NDST3: variants seen among roughly 807,000 people sequenced by gnomAD.
The protein encoded by NDST3 is bifunctional heparan sulfate N-deacetylase/N-sulfotransferase 3.
In NDST3, 58 loss-of-function variants were observed where a neutral mutation model predicts 96.1. That is an observed-to-expected ratio of 0.60 (90% CI 0.49 to 0.75). The LOEUF (loss-of-function observed/expected upper bound fraction) is 0.75. Ranked by LOEUF, NDST3 falls within the 30% of genes least tolerant of loss-of-function variation. NDST3 has a pLI of 0.00. For missense variants in NDST3, 788 were observed against 1,034.2 expected (o/e 0.76, Z 3.27); for synonymous variants, 333 against 359.7 (o/e 0.93, Z 0.84).
At chr4:118,234,707 G>A (rs662086) in intron 9 of NDST3, among the ~76,000 whole-genome samples, 126,092 of 151,732 alleles carry the variant, frequency 0.83, 54,097 homozygotes, top group South Asian at 0.95. Flanking sequence ...ATATATTTTG[G>A]TCATCATGTG....
intron 6 of NDST3, among the ~76,000 whole-genome samples, chr4:118,179,539 A>T (rs1036538585): frequency 2.1e-4 from 32 of 152,020 alleles, no homozygotes; most frequent in African/African-American, 7.7e-4. Flanking sequence ...ACTCCCAATT[A>T]AACTTTTTTA....
In NDST3 at chr4:118,253,394, T is replaced by A. The variant is rs2126016062; in HGVS notation, c.2400-105T>A. On this transcript the variant is annotated intron_variant, in intron 12 of 13. Coordinates refer to ENST00000296499, the MANE Select transcript of NDST3 (RefSeq NM_004784.3). ...GTTATAGATTGTTATCCAAATAAAA[T>A]ATTTATGTATTGGTCACTATATCAT... 3 of 609,046 alleles carry A rather than the reference T, an allele frequency of 4.9e-6. No homozygotes were observed. In the South Asian group the frequency reaches 7.9e-5, roughly 16 times the overall value. 37.7% of individuals were successfully genotyped at this position (609,046 alleles called of 1,614,324 possible). A position where few individuals can be genotyped will look rare whatever the true frequency, so the allele number is the denominator to read the frequency against.
intron 4 of NDST3, among the ~76,000 whole-genome samples, chr4:118,126,966 A>G (rs945773834): frequency 2.6e-5 from 4 of 151,950 alleles, no homozygotes; most frequent in Non-Finnish European, 5.9e-5. Flanking sequence ...ACCTTTTCAT[A>G]TGCCTGTTTG....
chr4:118,225,995 T>G (rs535975968), intron 7 of NDST3, among the ~76,000 whole-genome samples: 17 of 146,960 alleles, frequency 1.2e-4, no homozygotes, highest in East Asian at 3.9e-4. Context: ...TGTTTTTTTG[T>G]TTTTTTTTTC....
chr4:118,089,632 C>T (rs9991087), intron 2 of NDST3, among the ~76,000 whole-genome samples: 157 of 152,048 alleles, frequency 1.0e-3, no homozygotes, highest in African/African-American at 3.6e-3. Context: ...ATTTCAAAGA[C>T]TAAAACATTG....
At chr4:118,204,636 A>C (rs1202242543) in intron 6 of NDST3, among the ~76,000 whole-genome samples, 1 of 144,624 alleles carries the variant, frequency 6.9e-6, no homozygotes. Context: ...TGTACAGAGA[A>C]ATCTTTATGC....
At chr4:118,077,713 G>A (rs1401126617) in intron 2 of NDST3, among the ~76,000 whole-genome samples, 7 of 152,316 alleles carry the variant, frequency 4.6e-5, no homozygotes, top group Admixed American at 1.3e-4. Flanking sequence ...AAGAGTGAGG[G>A]CTCCTTCCTG....
chr4:118,208,163 C>T (rs987670806), intron 6 of NDST3, among the ~76,000 whole-genome samples: 1 of 143,840 alleles, frequency 7.0e-6, no homozygotes, highest in African/African-American at 2.6e-5. Flanking sequence ...AAAAATAATA[C>T]ACCAAATGTG....
At chr4:118,148,284 C>T (rs928173752) in intron 6 of NDST3, among the ~76,000 whole-genome samples, 1 of 152,044 alleles carries the variant, frequency 6.6e-6, no homozygotes, top group Non-Finnish European at 1.5e-5. Context: ...GGCGACAGAG[C>T]GAGACTCTGT....
chr4:118,094,943 T>C (rs962158485), intron 2 of NDST3, among the ~76,000 whole-genome samples: 2 of 151,870 alleles, frequency 1.3e-5, no homozygotes, highest in African/African-American at 2.4e-5. Context: ...AAAAAATATA[T>C]AAGCATGTGA....
rs1383213940 is a variant in NDST3, at chr4:118,083,973, G to A, written c.982-21045G>A. ...CTACTCTGTAGACTCCATTGCCAAT[G>A]AGAACAATAGGTTCACAGTGGAAAG... On this transcript the variant is annotated intron_variant, in intron 2 of 13. Transcript: ENST00000296499. 4.4e-4 allele frequency among the ~76,000 whole-genome samples: 67 copies of A among 152,156 alleles called. 1 individual carries two copies.
At chr4:118,240,454 AC>A (rs1158415739) in intron 10 of NDST3, 69 bp from the exon 11 acceptor site, 1 of 1,303,138 alleles carries the variant, frequency 7.7e-7, no homozygotes, top group Admixed American at 2.5e-5. Context: ...GAGACTTGTC[AC>A]AAAGATTGAT....
At position 118,114,847 on chromosome 4, in the gene NDST3, T is replaced by C; in HGVS notation, c.1111T>C (p.Ser371Pro). 1 of 1,613,936 alleles carries C rather than the reference T, an allele frequency of 6.2e-7. No homozygotes were observed. Among genetic ancestry groups the C allele is most frequent in the East Asian group, 2.2e-5 (1 of 44,866 alleles). Residue 371 changes from serine (S) to proline (P), a missense_variant, in exon 4 of 14, where the codon TCT becomes CCT. Ser to Pro is a moderately conservative substitution (Grantham distance 74). This residue lies in a region of NDST3 where 490 missense variants were observed against 708.8 expected (regional missense o/e 0.69). Transcript: ENST00000296499. ...TGAAGGAGATGACTGTCTGTTGGGG[T>C]CTGTGGATGAGTTCTGGTGGTTTCC... ...EDEGDDCLLGSVDEFWWFPHM... is the reference protein window; with the variant it reads ...EDEGDDCLLGPVDEFWWFPHM...
intron 6 of NDST3, among the ~76,000 whole-genome samples, chr4:118,198,532 AG>A (rs1462955297): frequency 2.6e-5 from 4 of 152,108 alleles, no homozygotes; most frequent in African/African-American, 9.7e-5. Flanking sequence ...AAGTTGTTGT[AG>A]TTACTATGTT....
At chr4:118,075,798 A>C (rs1727479325) in intron 2 of NDST3, among the ~76,000 whole-genome samples, 1 of 152,190 alleles carries the variant, frequency 6.6e-6, no homozygotes, top group Admixed American at 6.5e-5. Flanking sequence ...TCTGGATATT[A>C]GCCCTTTGTC....
chr4:118,188,789 C>A (rs1226986797), intron 6 of NDST3, among the ~76,000 whole-genome samples: 1 of 152,104 alleles, frequency 6.6e-6, no homozygotes, highest in Non-Finnish European at 1.5e-5. Context: ...TGAATCCTTT[C>A]ATGAACCTCC....
intron 3 of NDST3, among the ~76,000 whole-genome samples, chr4:118,109,193 A>T (rs991124660): frequency 1.3e-5 from 2 of 152,176 alleles, no homozygotes; most frequent in Non-Finnish European, 2.9e-5. Flanking sequence ...GAGTTAGGAT[A>T]TCCTAACTTC....
chr4:118,130,971 A>C (rs1732562259), intron 4 of NDST3, among the ~76,000 whole-genome samples: 1 of 152,150 alleles, frequency 6.6e-6, no homozygotes, highest in South Asian at 2.1e-4. Context: ...GTTATTTGTT[A>C]CTTTTCTCTT....
chr4:118,147,153 G>T (rs1368921088), intron 6 of NDST3, among the ~76,000 whole-genome samples: 1 of 152,208 alleles, frequency 6.6e-6, no homozygotes, highest in South Asian at 2.1e-4. Context: ...ACTAATAGAT[G>T]GTATCCTGCT....
Sources: gnomAD v4.1 joint callset for allele counts (sites outside exome capture counted in the v4.1 genomes callset) on GRCh38, gnomAD v4.1.1 for gene constraint, gnomAD v4.1.1 regional missense constraint, MANE v1.5 for transcripts, NCBI Gene and HGNC (gene_info 2026-07-23, HGNC 2026-07-21) for gene names.